SGCZ: variants seen among roughly 807,000 people sequenced by gnomAD.
SGCZ encodes the protein sarcoglycan zeta, also known as zeta-sarcoglycan.
In SGCZ, 40 loss-of-function variants were observed where a neutral mutation model predicts 41.3. That is an observed-to-expected ratio of 0.97 (90% CI 0.75 to 1.26). The LOEUF (loss-of-function observed/expected upper bound fraction) is 1.26, where lower values mean the gene tolerates loss of function less well. SGCZ is among the 50% of genes most tolerant of loss of function. The pLI, the probability that SGCZ is intolerant of heterozygous loss-of-function variation, is 0.00. For missense variants in SGCZ, 552 were observed against 369.8 expected (o/e 1.49, Z -4.04); for synonymous variants, 206 against 137.5 (o/e 1.50, Z -3.49).
chr8:14,152,262 G>C (rs567127334), intron 5 of SGCZ, among the ~76,000 whole-genome samples: 64 of 152,138 alleles, frequency 4.2e-4, no homozygotes, highest in Non-Finnish European at 7.6e-4. Flanking sequence ...AATTCAATTA[G>C]CAAATGGGCA....
chr8:15,196,621 C>A (rs1039805700), intron 1 of SGCZ, among the ~76,000 whole-genome samples: 2 of 127,500 alleles, frequency 1.6e-5, no homozygotes, highest in African/African-American at 2.6e-5. Context: ...AGTAAAATTT[C>A]TTTTATTTAT....
chr8:14,324,606 A>G (rs1005624568), intron 2 of SGCZ, among the ~76,000 whole-genome samples: 1 of 152,170 alleles, frequency 6.6e-6, no homozygotes, highest in Admixed American at 6.5e-5. Flanking sequence ...AAATAACTCT[A>G]AAATATTCAG....
intron 1 of SGCZ, among the ~76,000 whole-genome samples, chr8:15,034,404 A>G (rs1347451027): frequency 6.6e-6 from 1 of 152,156 alleles, no homozygotes; most frequent in Non-Finnish European, 1.5e-5. Context: ...TTACTTTCAA[A>G]TATAAAAAGA....
intron 1 of SGCZ, among the ~76,000 whole-genome samples, chr8:14,845,183 T>A (rs544245879): frequency 3.9e-5 from 6 of 152,282 alleles, no homozygotes; most frequent in Admixed American, 1.3e-4. Flanking sequence ...TAAGAAATGG[T>A]GCCTATTCTT....
chr8:14,120,173 T>C (rs1232576661), intron 5 of SGCZ, among the ~76,000 whole-genome samples: 1 of 152,168 alleles, frequency 6.6e-6, no homozygotes, highest in Non-Finnish European at 1.5e-5. Context: ...ATCAGGACCA[T>C]TCCTTTAACA....
At chr8:14,932,333 C>G (rs1218235613) in intron 1 of SGCZ, among the ~76,000 whole-genome samples, 1 of 151,938 alleles carries the variant, frequency 6.6e-6, no homozygotes, top group Non-Finnish European at 1.5e-5. Flanking sequence ...ACTCTAGTAA[C>G]AGTTTTCTCT....
At chr8:14,411,323 T>A (rs1028858062) in intron 2 of SGCZ, among the ~76,000 whole-genome samples, 7 of 152,180 alleles carry the variant, frequency 4.6e-5, no homozygotes, top group African/African-American at 1.4e-4. Context: ...AACATTCGTA[T>A]AGAAACCATT....
intron 1 of SGCZ, among the ~76,000 whole-genome samples, chr8:14,752,914 T>C (rs867218743): frequency 2.0e-5 from 3 of 152,156 alleles, no homozygotes; most frequent in Non-Finnish European, 4.4e-5. Context: ...ATAGTCTGAG[T>C]CACCTATGTA....
chr8:14,201,423 T>C (rs544854826), intron 4 of SGCZ, among the ~76,000 whole-genome samples: 51 of 152,294 alleles, frequency 3.3e-4, no homozygotes, highest in Admixed American at 6.5e-4. Context: ...GGTACATCCA[T>C]GCAACAGAAT....
intron 1 of SGCZ, among the ~76,000 whole-genome samples, chr8:14,913,210 T>C (rs1799328550): frequency 6.6e-6 from 1 of 152,094 alleles, no homozygotes; most frequent in South Asian, 2.1e-4. Context: ...GATATTAACA[T>C]AACATTCAAA....
At chr8:14,666,476 C>G (rs1669983015) in intron 1 of SGCZ, among the ~76,000 whole-genome samples, 1 of 152,154 alleles carries the variant, frequency 6.6e-6, no homozygotes. Flanking sequence ...AATCTTTTGT[C>G]TGCTTAACAA....
At chr8:14,267,382 A>C (rs1183918950) in intron 3 of SGCZ, among the ~76,000 whole-genome samples, 2 of 152,180 alleles carry the variant, frequency 1.3e-5, no homozygotes, top group African/African-American at 4.8e-5. Flanking sequence ...TTATTTATCT[A>C]ATCAGCCTAC....
chr8:14,542,638 C>A (rs1252096101), intron 2 of SGCZ, among the ~76,000 whole-genome samples: 1 of 152,028 alleles, frequency 6.6e-6, no homozygotes, highest in South Asian at 2.1e-4. Context: ...CTCTCTTAAA[C>A]CAAATTGGTG....
chr8:14,212,329 A>T (rs1179490961), intron 4 of SGCZ, among the ~76,000 whole-genome samples: 1 of 152,064 alleles, frequency 6.6e-6, no homozygotes, highest in African/African-American at 2.4e-5. Flanking sequence ...GGCATCTCCA[A>T]CGCCTTACCC....
chr8:14,542,974 G>C (rs542506532), intron 2 of SGCZ, among the ~76,000 whole-genome samples: 1 of 151,836 alleles, frequency 6.6e-6, no homozygotes, highest in Non-Finnish European at 1.5e-5. Flanking sequence ...CATTCAGCTA[G>C]AAAGGGGGAA....
chr8:14,628,572 T>C (rs190332209), intron 1 of SGCZ, among the ~76,000 whole-genome samples: 13 of 152,236 alleles, frequency 8.5e-5, no homozygotes, highest in South Asian at 4.1e-4. Context: ...GTTCCATGGA[T>C]TGAAATTATT....
chr8:14,619,114 T>C (rs1806200920), intron 1 of SGCZ, among the ~76,000 whole-genome samples: 1 of 152,140 alleles, frequency 6.6e-6, no homozygotes, highest in Non-Finnish European at 1.5e-5. Context: ...AAGAAATCCC[T>C]GGGATGCAAG....
intron 1 of SGCZ, among the ~76,000 whole-genome samples, chr8:14,804,712 G>T (rs13256388): frequency 0.076 from 6,168 of 80,688 alleles, 128 homozygotes; most frequent in East Asian, 0.11. Flanking sequence ...ACGTTCAGAT[G>T]CAGGAAATAC....
At chr8:14,614,238 A>G (rs1806021950) in intron 1 of SGCZ, among the ~76,000 whole-genome samples, 1 of 152,176 alleles carries the variant, frequency 6.6e-6, no homozygotes, top group African/African-American at 2.4e-5. Flanking sequence ...CTCCAAACCA[A>G]CTTGAAACAC....
Sources: allele counts gnomAD v4.1 joint callset (sites outside exome capture counted in the v4.1 genomes callset), GRCh38; gene constraint gnomAD v4.1.1; transcripts MANE v1.5; gene names NCBI Gene and HGNC (gene_info 2026-07-23, HGNC 2026-07-21).